Variants in VOPP1 observed in about 807,000 individuals in gnomAD.
VOPP1 encodes VOPP1 WW domain binding protein, also known as WW domain binding protein VOPP1.
In VOPP1, 8 loss-of-function variants were observed where a neutral mutation model predicts 23.5. That is an observed-to-expected ratio of 0.34 (90% CI 0.20 to 0.61). The LOEUF (loss-of-function observed/expected upper bound fraction) is 0.61, where lower values mean the gene tolerates loss of function less well. VOPP1 is among the 20% of genes least tolerant of loss of function. The probability of loss-of-function intolerance (pLI) is 0.78; values close to 1 mark genes in which losing one functional copy is unlikely to be tolerated. For missense variants in VOPP1, 174 were observed against 238.1 expected, an observed-to-expected ratio of 0.73 and a Z score of 1.77; for synonymous variants, 83 against 97.3, an observed-to-expected ratio of 0.85 and a Z score of 0.86.
chr7:55,486,434 G>A (rs190918340), intron 4 of VOPP1, among the ~76,000 whole-genome samples: 2 of 152,372 alleles, frequency 1.3e-5, no homozygotes, highest in East Asian at 3.9e-4. Context: ...TAGCAAGGCA[G>A]AGGTCACAGG....
chr7:55,461,426 T>C (rs1295479763), intron 4 of VOPP1, among the ~76,000 whole-genome samples: 1 of 152,190 alleles, frequency 6.6e-6, no homozygotes, highest in Non-Finnish European at 1.5e-5. Flanking sequence ...TTGTTTTTTT[T>C]CTTGAGACGG....
chr7:55,468,728 C>T (rs545848253), downstream of VOPP1, among the ~76,000 whole-genome samples: 7 of 152,306 alleles, frequency 4.6e-5, no homozygotes, highest in East Asian at 1.3e-3. Context: ...GAGTGGCTGT[C>T]AATGACACCA....
chr7:55,479,674 T>G (rs1253002943), intron 4 of VOPP1, among the ~76,000 whole-genome samples: 1 of 152,234 alleles, frequency 6.6e-6, no homozygotes, highest in Non-Finnish European at 1.5e-5. Flanking sequence ...CAATCCAATT[T>G]TCATGGGAAT....
chr7:55,475,266 A>G (rs1442503207), intron 4 of VOPP1, among the ~76,000 whole-genome samples: 1 of 152,122 alleles, frequency 6.6e-6, no homozygotes, highest in African/African-American at 2.4e-5. Flanking sequence ...ACTAGCTGGG[A>G]GCTGGTGCAC....
chr7:55,475,880 T>C (rs1186789352), intron 4 of VOPP1, among the ~76,000 whole-genome samples: 1 of 152,246 alleles, frequency 6.6e-6, no homozygotes, highest in African/African-American at 2.4e-5. Flanking sequence ...GGGATGGGGA[T>C]TGGGTGGGAG....
chr7:55,465,750 CCAGTAATTAGTAGACT>C (rs1178702786), downstream of VOPP1, among the ~76,000 whole-genome samples: 1 of 152,180 alleles, frequency 6.6e-6, no homozygotes, highest in African/African-American at 2.4e-5. Flanking sequence ...AGACACAAAG[CCAGTAATTAGTAGACT>C]CAGGACTTGA....
intron 4 of VOPP1, among the ~76,000 whole-genome samples, chr7:55,485,508 T>C (rs1248583811): frequency 1.3e-5 from 2 of 152,250 alleles, no homozygotes; most frequent in African/African-American, 2.4e-5. Context: ...TAAAAGGGAC[T>C]TCCAAATTCA....
chr7:55,548,194 T>C (rs566153083), intron 1 of VOPP1, among the ~76,000 whole-genome samples: 2 of 152,384 alleles, frequency 1.3e-5, no homozygotes, highest in East Asian at 1.9e-4. Flanking sequence ...TACTCCATTA[T>C]ATATTTGCAT....
chr7:55,436,774 T>C (rs1191746158), intron 4 of VOPP1, among the ~76,000 whole-genome samples: 1 of 152,136 alleles, frequency 6.6e-6, no homozygotes, highest in Non-Finnish European at 1.5e-5. Flanking sequence ...AGCAAAGATG[T>C]CCTAAACCAC....
At chr7:55,548,732 C>A (rs891134622) in intron 1 of VOPP1, among the ~76,000 whole-genome samples, 6 of 152,224 alleles carry the variant, frequency 3.9e-5, no homozygotes, top group African/African-American at 7.2e-5. Flanking sequence ...TTACCACATT[C>A]CTCTTGGCCC....
chr7:55,570,315 A>T (rs1798305696), intron 1 of VOPP1, among the ~76,000 whole-genome samples: 1 of 152,228 alleles, frequency 6.6e-6, no homozygotes, highest in Admixed American at 6.5e-5. Flanking sequence ...TACTTAGGAT[A>T]ATCATCATGT....
chr7:55,512,146 G>T (rs1422723450), intron 2 of VOPP1, among the ~76,000 whole-genome samples: 1 of 152,244 alleles, frequency 6.6e-6, no homozygotes, highest in East Asian at 1.9e-4. Flanking sequence ...ATCAAGCTCA[G>T]CTGGGAGCAG....
intron 1 of VOPP1, among the ~76,000 whole-genome samples, chr7:55,567,255 T>C (rs1281342181): frequency 6.6e-6 from 1 of 152,212 alleles, no homozygotes; most frequent in African/African-American, 2.4e-5. Flanking sequence ...TGTCAATCAA[T>C]AAATCAGAGC....
At position 55,534,428 on chromosome 7, in the gene VOPP1, G is replaced by A. The variant is rs187148017; in HGVS notation, c.55-13298C>T. On this transcript the variant is annotated intron_variant, in intron 1 of 4. Transcript: ENST00000285279. ...TGAAGGGCAGCTGCGTGTAGGGAGC[G>A]GGGGCTGCCCAAAGTTTCACTCTGA... Among the ~76,000 whole-genome samples the A allele has an allele frequency of 1.2e-3, 181 of 152,322 alleles. 1 individual carries two copies. Among genetic ancestry groups the A allele is most frequent in the Non-Finnish European group, 2.2e-3 (148 of 68,026 alleles).
chr7:55,480,152 T>C (rs1008081020), intron 4 of VOPP1, among the ~76,000 whole-genome samples: 9 of 152,244 alleles, frequency 5.9e-5, no homozygotes, highest in Admixed American at 5.9e-4. Context: ...AGCATTCCTA[T>C]GATTTGCAGT....
At chr7:55,537,262 A>G (rs1235568230) in intron 1 of VOPP1, among the ~76,000 whole-genome samples, 1 of 152,184 alleles carries the variant, frequency 6.6e-6, no homozygotes, top group South Asian at 2.1e-4. Flanking sequence ...CACAGCGTGC[A>G]GCAACATCTG....
chr7:55,446,516 A>C (rs558144410), intron 4 of VOPP1, among the ~76,000 whole-genome samples: 2 of 152,318 alleles, frequency 1.3e-5, no homozygotes, highest in Non-Finnish European at 2.9e-5. Context: ...TTCTAGGGAA[A>C]ACAAAATAAT....
intron 4 of VOPP1, among the ~76,000 whole-genome samples, chr7:55,478,856 T>A (rs1301522938): frequency 1.3e-5 from 2 of 152,186 alleles, no homozygotes; most frequent in Admixed American, 6.5e-5. Context: ...AATTACACAA[T>A]GTGCTCAAGG....
intron 1 of VOPP1, among the ~76,000 whole-genome samples, chr7:55,565,953 A>G (rs1798150735): frequency 6.6e-6 from 1 of 152,214 alleles, no homozygotes; most frequent in African/African-American, 2.4e-5. Flanking sequence ...CAGCCCACTT[A>G]ACACTGGCAG....
Sources: gnomAD v4.1 joint callset for allele counts (sites outside exome capture counted in the v4.1 genomes callset) on GRCh38, gnomAD v4.1.1 for gene constraint, MANE v1.5 for transcripts, NCBI Gene and HGNC (gene_info 2026-07-23, HGNC 2026-07-21) for gene names.